Variants in PDE4D observed in about 807,000 individuals in gnomAD.
The protein encoded by PDE4D is 3',5'-cyclic-AMP phosphodiesterase 4D.
A neutral mutation model predicts 87.4 loss-of-function variants in PDE4D; 24 were observed. That is an observed-to-expected ratio of 0.27 (90% CI 0.20 to 0.39). The LOEUF is 0.39. Ranked by LOEUF, PDE4D falls within the 10% of genes least tolerant of loss-of-function variation. The probability of loss-of-function intolerance (pLI) is 1.00; values close to 1 mark genes in which losing one functional copy is unlikely to be tolerated. For missense variants in PDE4D, 714 were observed against 1,041.0 expected (o/e 0.69, Z 4.32); for synonymous variants, 384 against 383.2 (o/e 1.00, Z -0.02).
At chr5:60,420,076 G>A (rs1367621464) in intron 1 of PDE4D, among the ~76,000 whole-genome samples, 1 of 152,182 alleles carries the variant, frequency 6.6e-6, no homozygotes, top group African/African-American at 2.4e-5. Flanking sequence ...TTAACAGAGA[G>A]AAAATGTTAT....
At chr5:60,423,854 A>T (rs1050016134) in intron 1 of PDE4D, among the ~76,000 whole-genome samples, 1 of 152,352 alleles carries the variant, frequency 6.6e-6, no homozygotes, top group Middle Eastern at 3.4e-3. Context: ...GATAAAGGTG[A>T]TATCACCACT....
At position 60,407,652 on chromosome 5, in the gene PDE4D, C is replaced by G. The variant is rs185713254; in HGVS notation, c.-90+80290G>C. ...ATTTTTAGTAGAGATGGGGTTTCAC[C>G]ACATTGGCCAGGCTGGTCATAAACT... On this transcript the variant is annotated intron_variant, in intron 1 of 16. Transcript: ENST00000502484. Among the ~76,000 whole-genome samples the G allele has an allele frequency of 3.2e-4, 49 of 151,658 alleles. 1 individual carries two copies. The highest frequency in any genetic ancestry group is 1.0e-3 in the African/African-American group (43 of 41,386).
At chr5:60,217,553 T>C (rs1744002757) in intron 1 of PDE4D, among the ~76,000 whole-genome samples, 1 of 151,770 alleles carries the variant, frequency 6.6e-6, no homozygotes, top group African/African-American at 2.4e-5. Flanking sequence ...TCACAGAAAA[T>C]AGTGATAAAT....
At chr5:59,766,540 T>C (rs1283217299) in intron 1 of PDE4D, among the ~76,000 whole-genome samples, 1 of 152,168 alleles carries the variant, frequency 6.6e-6, no homozygotes, top group Non-Finnish European at 1.5e-5. Context: ...GTTGCTCCAC[T>C]CAGACTGAAA....
intron 1 of PDE4D, among the ~76,000 whole-genome samples, chr5:59,540,668 T>C (rs1388180712): frequency 1.3e-5 from 2 of 152,180 alleles, no homozygotes; most frequent in African/African-American, 2.4e-5. Context: ...TGAATTCTCA[T>C]AGCCACAAAG....
intron 1 of PDE4D, among the ~76,000 whole-genome samples, chr5:60,236,112 T>C (rs1239758273): frequency 6.6e-6 from 1 of 151,800 alleles, no homozygotes; most frequent in Non-Finnish European, 1.5e-5. Context: ...TCGAAATGGG[T>C]GGTAGAATTA....
intron 1 of PDE4D, among the ~76,000 whole-genome samples, chr5:59,420,991 ATG>A (rs1340730977): frequency 6.6e-6 from 1 of 152,184 alleles, no homozygotes; most frequent in African/African-American, 2.4e-5. Context: ...CCGTACGCGT[ATG>A]TGTTTGTGTA....
intron 1 of PDE4D, among the ~76,000 whole-genome samples, chr5:60,500,033 G>A (rs1037695664): frequency 6.6e-6 from 1 of 152,146 alleles, no homozygotes; most frequent in Non-Finnish European, 1.5e-5. Context: ...CCCAGGCTGG[G>A]TGTGGTGGCT....
At chr5:60,268,473 C>T (rs1750471895) in intron 1 of PDE4D, among the ~76,000 whole-genome samples, 2 of 152,154 alleles carry the variant, frequency 1.3e-5, no homozygotes, top group Non-Finnish European at 2.9e-5. Context: ...GGACGGCTAC[C>T]TCACAGGCTT....
At chr5:59,808,911 G>C (rs1768029966) in intron 1 of PDE4D, among the ~76,000 whole-genome samples, 1 of 152,194 alleles carries the variant, frequency 6.6e-6, no homozygotes, top group Non-Finnish European at 1.5e-5. Flanking sequence ...AGAATTTTAA[G>C]TGGAGGCTGA....
intron 1 of PDE4D, among the ~76,000 whole-genome samples, chr5:59,648,044 CTCTGCTACA>C (rs1230007282): frequency 6.6e-6 from 1 of 152,038 alleles, no homozygotes; most frequent in African/African-American, 2.4e-5. Flanking sequence ...TCCATAAGAG[CTCTGCTACA>C]TCTACTTAGA....
At chr5:59,081,899 GAATCATA>G (rs1378490104) in intron 5 of PDE4D, among the ~76,000 whole-genome samples, 1 of 152,070 alleles carries the variant, frequency 6.6e-6, no homozygotes, top group Non-Finnish European at 1.5e-5. Flanking sequence ...GAAGATAATT[GAATCATA>G]GGGCAGTTTC....
chr5:60,438,015 A>T lies in PDE4D; in HGVS notation c.-90+49927T>A, dbSNP rs185558261. Among the ~76,000 whole-genome samples the T allele has an allele frequency of 3.3e-4, 50 of 152,300 alleles. 1 individual carries two copies. Among genetic ancestry groups the T allele is most frequent in the African/African-American group, 1.2e-3 (50 of 41,590 alleles). On this transcript the variant is annotated intron_variant, in intron 1 of 16. Coordinates refer to the PDE4D transcript ENST00000502484. ...AGCAGGCAAATGCAGGACAGTGGGC[A>T]CTATCTGAGAATGGAGTGAAGTGAC...
chr5:60,166,193 C>T (rs1023106947), intron 2 of PDE4D, among the ~76,000 whole-genome samples: 8 of 152,176 alleles, frequency 5.3e-5, no homozygotes, highest in African/African-American at 1.9e-4. Context: ...CTTCTGGGTT[C>T]ACGCCATTCT....
At chr5:60,195,138 A>G (rs17384726) in intron 1 of PDE4D, among the ~76,000 whole-genome samples, 4,163 of 151,622 alleles carry the variant, frequency 0.027, 216 homozygotes, top group Admixed American at 0.095. Flanking sequence ...TCAAGACTCA[A>G]CTCAGGTGTC....
At chr5:59,544,221 T>C (rs1434331616) in intron 1 of PDE4D, among the ~76,000 whole-genome samples, 5 of 152,184 alleles carry the variant, frequency 3.3e-5, no homozygotes, top group African/African-American at 1.2e-4. Context: ...TCTCATTCAT[T>C]GAAGAAGGAA....
chr5:59,184,859 T>C (rs558680003), intron 4 of PDE4D, among the ~76,000 whole-genome samples: 40 of 152,266 alleles, frequency 2.6e-4, no homozygotes, highest in African/African-American at 9.4e-4. Context: ...TAAGGTGTGA[T>C]GAGATTATTC....
chr5:59,127,470 G>C (rs1028723269), intron 5 of PDE4D, among the ~76,000 whole-genome samples: 1 of 151,792 alleles, frequency 6.6e-6, no homozygotes, highest in Admixed American at 6.6e-5. Flanking sequence ...ATGAGCCCAG[G>C]CAGCAGTGTG....
chr5:59,675,370 G>A (rs986157190), intron 1 of PDE4D, among the ~76,000 whole-genome samples: 10 of 152,110 alleles, frequency 6.6e-5, no homozygotes, highest in East Asian at 1.9e-4. Flanking sequence ...GTGTGTCTGC[G>A]AGCTGTAGCG....
Sources: gnomAD v4.1 joint callset for allele counts (sites outside exome capture counted in the v4.1 genomes callset) on GRCh38, gnomAD v4.1.1 for gene constraint, MANE v1.5 for transcripts, NCBI Gene and HGNC (gene_info 2026-07-23, HGNC 2026-07-21) for gene names.